The following RCL1 variants were observed in gnomAD, a reference collection of about 807,000 sequenced individuals.
RCL1 encodes the protein RNA 3'-terminal phosphate cyclase-like protein.
A neutral mutation model predicts 42.4 loss-of-function variants in RCL1; 24 were observed. The observed-to-expected ratio is 0.57, with a 90% confidence interval of 0.41 to 0.80. The LOEUF (loss-of-function observed/expected upper bound fraction) is 0.80, where lower values mean the gene tolerates loss of function less well. Among genes scored for constraint, RCL1 ranks in the 30% least tolerant of loss-of-function variants. The pLI, the probability that RCL1 is intolerant of heterozygous loss-of-function variation, is 0.00. For missense variants in RCL1, 578 were observed against 467.9 expected, an observed-to-expected ratio of 1.24 and a Z score of -2.17; for synonymous variants, 228 against 177.3, an observed-to-expected ratio of 1.29 and a Z score of -2.27.
At chr9:4,827,244 C>A in intron 3 of RCL1, 2 of 1,486,710 alleles carry the variant, frequency 1.3e-6, no homozygotes, top group South Asian at 1.4e-5. Context: ...TAACAGTTAC[C>A]AAGGTGCCTT....
At chr9:4,836,402 A>G (rs1817131417) in intron 5 of RCL1, among the ~76,000 whole-genome samples, 1 of 152,230 alleles carries the variant, frequency 6.6e-6, no homozygotes, top group Non-Finnish European at 1.5e-5. Flanking sequence ...TCAAGGGATG[A>G]GAAACTTTAA....
At chr9:4,828,034 A>G (rs1374010857) in intron 3 of RCL1, among the ~76,000 whole-genome samples, 1 of 151,972 alleles carries the variant, frequency 6.6e-6, no homozygotes, top group Non-Finnish European at 1.5e-5. Context: ...AAAATACAAA[A>G]AATTAGCCAG....
chr9:4,798,022 G>T (rs1475561604), intron 1 of RCL1, among the ~76,000 whole-genome samples: 2 of 151,974 alleles, frequency 1.3e-5, no homozygotes, highest in Non-Finnish European at 1.5e-5. Flanking sequence ...TTTTCTTGTT[G>T]CTGCTGTTTT....
chr9:4,809,982 A>G (rs1048491736), intron 1 of RCL1, among the ~76,000 whole-genome samples: 12 of 152,062 alleles, frequency 7.9e-5, no homozygotes, highest in African/African-American at 2.4e-4. Context: ...ATGCCCAGCT[A>G]ATTTTTGTAT....
intron 5 of RCL1, among the ~76,000 whole-genome samples, chr9:4,834,471 C>CT (rs5896097): frequency 5.7e-4 from 73 of 128,432 alleles, no homozygotes; most frequent in African/African-American, 9.9e-4. Flanking sequence ...TTGAGTCATT[C>CT]TTTTTTTTTT....
intron 5 of RCL1, chr9:4,839,768 G>A: frequency 2.1e-6 from 2 of 968,852 alleles, no homozygotes; most frequent in Non-Finnish European, 2.5e-6. Context: ...AGAGTTGGGA[G>A]GGATTACAGA....
chr9:4,805,368 C>T (rs965586272), intron 1 of RCL1, among the ~76,000 whole-genome samples: 4 of 150,680 alleles, frequency 2.7e-5, no homozygotes, highest in African/African-American at 9.8e-5. Flanking sequence ...TAGCCTGGGT[C>T]TTCCAGCCTG....
chr9:4,855,223 C>T (rs1563861607), intron 8 of RCL1, among the ~76,000 whole-genome samples: 1 of 152,028 alleles, frequency 6.6e-6, no homozygotes, highest in Admixed American at 6.6e-5. Context: ...TAATCATTCT[C>T]TATGTTAGGT....
chr9:4,820,325 A>T (rs1303064387), intron 1 of RCL1, among the ~76,000 whole-genome samples: 2 of 152,118 alleles, frequency 1.3e-5, no homozygotes, highest in Admixed American at 6.5e-5. Context: ...GGTGGACTTG[A>T]GATCTTTTCT....
At chr9:4,839,684 C>G in intron 5 of RCL1, 1 of 985,260 alleles carries the variant, frequency 1.0e-6, no homozygotes, top group African/African-American at 1.7e-5. Context: ...TTGCTCTTTC[C>G]TCATTTCAGG....
At chr9:4,857,905 G>A (rs956707661) in intron 8 of RCL1, among the ~76,000 whole-genome samples, 1 of 139,522 alleles carries the variant, frequency 7.2e-6, no homozygotes, top group Non-Finnish European at 1.5e-5. Flanking sequence ...GGATATTTGT[G>A]AGGAAATATC....
chr9:4,844,853 C>G (rs897186084), intron 7 of RCL1, among the ~76,000 whole-genome samples, 172 bp downstream of exon 7: 1 of 152,180 alleles, frequency 6.6e-6, no homozygotes, highest in African/African-American at 2.4e-5. Flanking sequence ...CTCAACCAGT[C>G]AGTGAGTAGA....
chr9:4,851,740 A>AAG (rs1817756692), intron 8 of RCL1, among the ~76,000 whole-genome samples: 1 of 151,558 alleles, frequency 6.6e-6, no homozygotes. Flanking sequence ...CTTGGTTTAA[A>AAG]AAAAAAAAAG....
At chr9:4,843,469 C>T (rs1480940660) in intron 6 of RCL1, among the ~76,000 whole-genome samples, 1 of 152,114 alleles carries the variant, frequency 6.6e-6, no homozygotes, top group Non-Finnish European at 1.5e-5. Context: ...ATGAGGTCAC[C>T]TGATGACCAG....
intron 3 of RCL1, among the ~76,000 whole-genome samples, chr9:4,828,883 A>C (rs186554336): frequency 6.6e-6 from 1 of 152,358 alleles, no homozygotes; most frequent in East Asian, 1.9e-4. Flanking sequence ...GCATGACTAA[A>C]ATGACCTTGG....
intron 1 of RCL1, among the ~76,000 whole-genome samples, chr9:4,819,811 C>G (rs752510755): frequency 3.9e-5 from 6 of 152,100 alleles, no homozygotes; most frequent in Non-Finnish European, 7.4e-5. Flanking sequence ...GTCTCAAAAA[C>G]AAAACAAAAC....
rs1817045288 is a variant in RCL1 at position 4,834,197 on chromosome 9, T to C, written c.516T>C (p.Pro172=). The part of the protein sequence containing the change: ...GGGGEVVFSC[P]VRKVLKPIQL... ...GAGGCGAAGTGGTTTTCTCATGTCC[T>C]GTGAGGAAGGTCTTGAAGCCCATTC... is the stretch of plus-strand genomic sequence containing the variant. The change falls in exon 5 of 9, where the codon CCT becomes CCC. Residue 172 remains proline (P), a synonymous_variant. Transcript: ENST00000381750. 1.9e-6 allele frequency: 3 copies of C among 1,613,712 alleles called. No homozygotes were observed. Among genetic ancestry groups the C allele is most frequent in the South Asian group, 2.2e-5 (2 of 91,078 alleles).
rs542423911 is a variant in RCL1 at position 4,806,702 on chromosome 9, C to T, written c.136+13475C>T. Among the ~76,000 whole-genome samples, 248 of 150,524 alleles carry T rather than the reference C, an allele frequency of 1.6e-3. 1 individual carries two copies. Among genetic ancestry groups the T allele is most frequent in the Admixed American group, 3.7e-3 (56 of 15,108 alleles). On this transcript the variant is annotated intron_variant, in intron 1 of 8. Coordinates refer to ENST00000381750, the MANE Select transcript of RCL1 (RefSeq NM_005772.5). ...TGTTAAGGACTTTTGTTTGTATGTT[C>T]GTGAGCAATATTGCTCTGTAGTTTT...
chr9:4,793,944 G>A lies in RCL1; in HGVS notation c.136+717G>A, dbSNP rs80299395. On this transcript the variant is annotated intron_variant, in intron 1 of 8. Transcript: ENST00000381750. ...CTCACTTCTTGCTCTGCAATGGTAG[G>A]TTAAAAAGAAATAGGCCCATTTAAA... is the stretch of plus-strand genomic sequence containing the variant. 5.2e-3 allele frequency among the ~76,000 whole-genome samples: 790 copies of A among 152,270 alleles called. 6 individuals are homozygous for A. Among genetic ancestry groups the A allele is most frequent in the African/African-American group, 0.018 (760 of 41,550 alleles).
Sources: allele counts gnomAD v4.1 joint callset (sites outside exome capture counted in the v4.1 genomes callset), GRCh38; gene constraint gnomAD v4.1.1; transcripts MANE v1.5; gene names NCBI Gene and HGNC (gene_info 2026-07-23, HGNC 2026-07-21).